Variants in SGTA observed in about 807,000 individuals in gnomAD.
The protein encoded by SGTA is small glutamine rich tetratricopeptide repeat co-chaperone alpha, also known as small glutamine-rich tetratricopeptide repeat-containing protein alpha.
SGTA carries 22 observed loss-of-function variants against 44.3 expected under a neutral mutation model. The observed-to-expected ratio is 0.50, with a 90% CI of 0.36 to 0.71. SGTA has a LOEUF of 0.71. SGTA is among the 30% of genes least tolerant of loss of function. The pLI is 0.00. For synonymous variants in SGTA, 174 were observed against 177.6 expected (o/e 0.98, Z 0.16); for missense variants, 341 against 435.9 (o/e 0.78, Z 1.94).
chr19:2,761,708 A>T lies in SGTA; in HGVS notation c.637-186T>A, dbSNP rs576187175. ...CCGCCCGGGGACGGCACAGTCTGTC[A>T]TCCCGTGTTTATTCCCCGCACAGCG... On this transcript the variant is annotated intron_variant, in intron 7 of 11. Transcript: ENST00000221566. The surrounding 1 kb of genome is among the most constrained non-coding windows in gnomAD (Gnocchi z 5.7). Among the ~76,000 whole-genome samples the T allele has an allele frequency of 6.6e-6, 1 of 151,914 alleles. No homozygotes were observed. Among genetic ancestry groups the T allele is most frequent in the Non-Finnish European group, 1.5e-5 (1 of 67,980 alleles).
chr19:2,776,908 A>C (rs1347280086), intron 1 of SGTA, among the ~76,000 whole-genome samples: 2 of 151,772 alleles, frequency 1.3e-5, no homozygotes, highest in African/African-American at 4.9e-5. Context: ...GGCTGCAGTG[A>C]GCTGCGATAG....
At chr19:2,779,022 G>C (rs1331975184) in intron 1 of SGTA, among the ~76,000 whole-genome samples, 1 of 152,020 alleles carries the variant, frequency 6.6e-6, no homozygotes, top group South Asian at 2.1e-4. Context: ...CGCACGGCAG[G>C]GGGCTGAGCA....
chr19:2,776,750 C>A (rs1184442622), intron 1 of SGTA, among the ~76,000 whole-genome samples: 1 of 152,166 alleles, frequency 6.6e-6, no homozygotes. Flanking sequence ...AGGTGGATCA[C>A]CTGAGGTCAG....
intron 1 of SGTA, among the ~76,000 whole-genome samples, chr19:2,772,845 AGGTGGGT>A (rs1389612806): frequency 1.7e-5 from 2 of 119,774 alleles, no homozygotes; most frequent in African/African-American, 8.9e-5. Flanking sequence ...CCGAGGGCAG[AGGTGGGT>A]GACGCGGCCA....
chr19:2,757,289 G>A (rs1914847114), intron 11 of SGTA, 48 bp downstream of exon 11: 11 of 1,586,238 alleles, frequency 6.9e-6, no homozygotes, highest in South Asian at 5.6e-5. Context: ...CACTCACGTG[G>A]TGTCACTCCT....
chr19:2,767,305 A>C lies in SGTA; in HGVS notation c.208-85T>G. 1 of 1,089,918 alleles carries C rather than the reference A, an allele frequency of 9.2e-7. No homozygotes were observed. Among genetic ancestry groups the C allele is most frequent in the Non-Finnish European group, 1.3e-6 (1 of 746,464 alleles). 67.5% of individuals were successfully genotyped at this position (1,089,918 alleles called of 1,614,324 possible). A position where few individuals can be genotyped will look rare whatever the true frequency, so the allele number is the denominator to read the frequency against. Reference sequence around the variant, plus strand: ...CTTAGCTTCCCTCGGGACGCCAGAGAGGGCCACCAAGTTCCGAAGGACCCG... The same window carrying C: ...CTTAGCTTCCCTCGGGACGCCAGAGCGGGCCACCAAGTTCCGAAGGACCCG... On this transcript the variant is annotated intron_variant, in intron 3 of 11. Coordinates refer to ENST00000221566, the MANE Select transcript of SGTA (RefSeq NM_003021.4). This position sits in a 1 kb window ranked among gnomAD's most constrained non-coding sequence, Gnocchi z 7.3.
intron 8 of SGTA, 135 bp from the exon 9 acceptor site, chr19:2,759,429 G>C: frequency 1.3e-6 from 1 of 778,450 alleles, no homozygotes; most frequent in East Asian, 2.5e-5. Flanking sequence ...CGGGCATTCG[G>C]TCTTTCATAC....
At chr19:2,776,532 C>T (rs1344551983) in intron 1 of SGTA, among the ~76,000 whole-genome samples, 2 of 152,150 alleles carry the variant, frequency 1.3e-5, no homozygotes, top group African/African-American at 2.4e-5. Flanking sequence ...TTGGGGGTGC[C>T]AGGGGCTGGG....
At chr19:2,757,124 C>T (rs538604453) in intron 11 of SGTA, among the ~76,000 whole-genome samples, 3 of 152,306 alleles carry the variant, frequency 2.0e-5, no homozygotes, top group Non-Finnish European at 2.9e-5. Flanking sequence ...TTGGTGGCCA[C>T]CTGGAAAGGG....
chr19:2,762,978 C>G (rs1044814116), intron 6 of SGTA, among the ~76,000 whole-genome samples: 1 of 152,196 alleles, frequency 6.6e-6, no homozygotes, highest in Admixed American at 6.5e-5. Flanking sequence ...CCCCGCTTCC[C>G]GGCACAGGGC....
Position 2,761,390 on chromosome 19 carries a change from C to G in SGTA, c.699+70G>C, listed in dbSNP as rs573777106. 1 of 1,349,480 alleles carries G rather than the reference C, an allele frequency of 7.4e-7. No homozygotes were observed. Among genetic ancestry groups the G allele is most frequent in the African/African-American group, 1.5e-5 (1 of 68,860 alleles). 83.6% of individuals were successfully genotyped at this position (1,349,480 alleles called of 1,614,324 possible). On this transcript the variant is annotated intron_variant, in intron 8 of 11. Transcript: ENST00000221566. This position sits in a 1 kb window ranked among gnomAD's most constrained non-coding sequence, Gnocchi z 5.7. ...AAGGCAAGGAAGCCCTGGCCAGTAG[C>G]GGACACAGCAGATGCGGGCCTGGGG...
At position 2,767,228 on chromosome 19, in the gene SGTA, C is replaced by T. The variant is rs368819256; in HGVS notation, c.208-8G>A. On this transcript the variant is annotated splice_polypyrimidine_tract_variant and splice_region_variant and intron_variant, in intron 3 of 11. Transcript: ENST00000221566. This position sits in a 1 kb window ranked among gnomAD's most constrained non-coding sequence, Gnocchi z 7.3. ...CAGGTCCTGCGGCATCTCCTGGACC[C>T]GGAGGCAAAGGCGGCCCGCTGTCCT... 2.4e-5 allele frequency: 38 copies of T among 1,604,692 alleles called. No homozygotes were observed. The highest frequency in any genetic ancestry group is 1.6e-4 in the East Asian group (7 of 44,520).
rs775837892 is a variant in SGTA at position 2,769,110 on chromosome 19, C to A, written c.-23-19G>T. 9.8e-6 allele frequency: 15 copies of A among 1,527,270 alleles called. No individual in the cohort carries two copies. The highest frequency in any genetic ancestry group is 1.4e-5 in the African/African-American group (1 of 73,222). The allele number at this position is 1,527,270 out of a possible 1,614,324, so 94.6% of individuals were successfully genotyped here. A position where few individuals can be genotyped will look rare whatever the true frequency, so the allele number is the denominator to read the frequency against. On this transcript the variant is annotated intron_variant, in intron 1 of 11. Coordinates refer to ENST00000221566, the MANE Select transcript of SGTA (RefSeq NM_003021.4). ...GTGATACCTGGGGGTGCAGGAAAAA[C>A]CCCCATCAGGCCCCCTCACACTCCC...
chr19:2,768,760 C>T (rs564175981), intron 2 of SGTA, among the ~76,000 whole-genome samples: 1 of 152,248 alleles, frequency 6.6e-6, no homozygotes, highest in African/African-American at 2.4e-5. Flanking sequence ...GGTGGCGCCA[C>T]GCAGTGGCAG....
At position 2,762,664 on chromosome 19, in the gene SGTA, A is replaced by T; in HGVS notation, c.498-20T>A. 1 of 1,613,134 alleles carries T rather than the reference A, an allele frequency of 6.2e-7. No individual in the cohort carries two copies. Among genetic ancestry groups the T allele is most frequent in the Non-Finnish European group, 8.5e-7 (1 of 1,179,788 alleles). ...GCCAGGCTGGAGGAGAGCACCGGGGATGGACTGTTCCCATCTGCCCAGCTC... is the reference window on the plus strand; with the variant it reads ...GCCAGGCTGGAGGAGAGCACCGGGGTTGGACTGTTCCCATCTGCCCAGCTC... On this transcript the variant is annotated intron_variant, in intron 6 of 11. Transcript: ENST00000221566.
chr19:2,767,101 G>T lies in SGTA; in HGVS notation c.292+35C>A. On this transcript the variant is annotated intron_variant, in intron 4 of 11. Coordinates refer to ENST00000221566, the MANE Select transcript of SGTA (RefSeq NM_003021.4). This position sits in a 1 kb window ranked among gnomAD's most constrained non-coding sequence, Gnocchi z 7.3. The stretch of plus-strand genomic sequence containing the variant: ...CCCACAGCCCCGGAGTCCAGGTAGG[G>T]CGAGGTGTCTGTGGGGATGGAGGTC... 6.7e-6 allele frequency: 10 copies of T among 1,501,896 alleles called. No individual in the cohort carries two copies. The highest frequency in any genetic ancestry group is 1.8e-5 in the Admixed American group (1 of 56,442). 93.0% of individuals were successfully genotyped at this position (1,501,896 alleles called of 1,614,324 possible). A position where few individuals can be genotyped will look rare whatever the true frequency, so the allele number is the denominator to read the frequency against.
chr19:2,757,297 C>A (rs371032351), intron 11 of SGTA, 40 bp downstream of exon 11: 13 of 1,591,156 alleles, frequency 8.2e-6, no homozygotes, highest in Non-Finnish European at 1.0e-5. Flanking sequence ...TGGTGTCACT[C>A]CTGCTGGCCA....
rs778254105 is a variant in SGTA, at chr19:2,768,958, C to T, written c.100+11G>A. On this transcript the variant is annotated intron_variant, in intron 2 of 11. Transcript: ENST00000221566. ...CCCGGGGAGAGGGGGAAGTGGCAGGCACCCACCTACCTTCCAAGCTCTCCT... is the reference window on the plus strand; with the variant it reads ...CCCGGGGAGAGGGGGAAGTGGCAGGTACCCACCTACCTTCCAAGCTCTCCT... 7 of 1,597,944 alleles carry T rather than the reference C, an allele frequency of 4.4e-6. No individual in the cohort carries two copies. In the African/African-American group the frequency reaches 6.7e-5, roughly 15 times the overall value.
chr19:2,757,320 C>A lies in SGTA; in HGVS notation c.*6+17G>T, dbSNP rs541233915. 4 of 1,598,058 alleles carry A rather than the reference C, an allele frequency of 2.5e-6. No homozygotes were observed. In the African/African-American group the frequency reaches 5.3e-5, roughly 21 times the overall value. Reference sequence around the variant, plus strand: ...CTCCTGCTGGCCACCCCCCAGCCCCCGGCCCCATGCACTCACGCAGCGTCA... The same window carrying A: ...CTCCTGCTGGCCACCCCCCAGCCCCAGGCCCCATGCACTCACGCAGCGTCA... On this transcript the variant is annotated intron_variant, in intron 11 of 11. Transcript: ENST00000221566.
Sources: gnomAD v4.1 joint callset for allele counts (sites outside exome capture counted in the v4.1 genomes callset) on GRCh38, gnomAD v4.1.1 for gene constraint, Gnocchi (gnomAD v3.1) non-coding constraint, MANE v1.5 for transcripts, NCBI Gene and HGNC (gene_info 2026-07-23, HGNC 2026-07-21) for gene names.